Variants in SDR42E1 observed in about 807,000 individuals in gnomAD.
The protein encoded by SDR42E1 is short chain dehydrogenase/reductase family 42E, member 1.
Under a neutral mutation model 2.6 loss-of-function variants are expected in SDR42E1, and 5 were observed. The ratio of observed to expected loss-of-function variants is 1.94; its 90% confidence interval spans 1.01 to 4.08. SDR42E1 has a LOEUF of 4.08. Among genes scored for constraint, SDR42E1 ranks in the 30% most tolerant of loss-of-function variants. SDR42E1 has a pLI of 0.00. For synonymous variants in SDR42E1, 231 were observed against 188.3 expected (o/e 1.23, Z -1.86); for missense variants, 596 against 478.6 (o/e 1.25, Z -2.29).
In SDR42E1 at chr16:81,990,970, C is replaced by G. The variant is rs929364257; in HGVS notation, c.*8141G>C. ...GAAAGATTTTTATTAGGTCTGTGCT[C>G]CACGCCCAGAATAGTGTAAGACTGC... On this transcript the variant is annotated 3_prime_UTR_variant, in exon 3 of 3. Transcript: ENST00000328945. 25 of 152,310 alleles carry G rather than the reference C, an allele frequency of 1.6e-4. No individual in the cohort carries two copies. The highest frequency in any genetic ancestry group is 6.0e-4 in the African/African-American group (25 of 41,562). 9.4% of individuals were successfully genotyped at this position (152,310 alleles called of 1,614,324 possible). A position where few individuals can be genotyped will look rare whatever the true frequency, so the allele number is the denominator to read the frequency against.
intron 1 of SDR42E1, chr16:82,007,722 G>C (rs1478314829): frequency 8.5e-5 from 13 of 152,186 alleles, no homozygotes; most frequent in African/African-American, 2.9e-4. Context: ...AAATGAATTG[G>C]AGGTGGCCCA....
In SDR42E1 at chr16:81,996,500, AG is replaced by A. The variant is rs1253027569; in HGVS notation, c.*2610del. ...GCCCTGTAAGAATTTGGGGTGGGAG[AG>A]GATTATGAATTCCACTTTGGCTACA... On this transcript the variant is annotated 3_prime_UTR_variant, in exon 3 of 3. Transcript: ENST00000328945. 2 of 152,096 alleles carry A rather than the reference AG, an allele frequency of 1.3e-5. No homozygotes were observed. Among genetic ancestry groups the A allele is most frequent in the African/African-American group, 4.8e-5 (2 of 41,388 alleles). 9.4% of individuals were successfully genotyped at this position (152,096 alleles called of 1,614,324 possible). A position where few individuals can be genotyped will look rare whatever the true frequency, so the allele number is the denominator to read the frequency against.
rs1912410810 is a variant in SDR42E1, at chr16:81,990,906, G to T, written c.*8205C>A. ...CTTTGGGAGAATTTAAACATCTAAG[G>T]GCACCTCTACAGGCTGGACTTTGCA... On this transcript the variant is annotated 3_prime_UTR_variant, in exon 3 of 3. Transcript: ENST00000328945. 1 of 152,092 alleles carries T rather than the reference G, an allele frequency of 6.6e-6. No individual in the cohort carries two copies. The highest frequency in any genetic ancestry group is 2.4e-5 in the African/African-American group (1 of 41,398). 9.4% of individuals were successfully genotyped at this position (152,092 alleles called of 1,614,324 possible).
intron 1 of SDR42E1, among the ~76,000 whole-genome samples, chr16:82,010,653 C>G (rs932934606): frequency 6.6e-5 from 10 of 152,214 alleles, no homozygotes; most frequent in African/African-American, 2.4e-4. Flanking sequence ...TGGAAGCCCC[C>G]TCCCCGTTTC....
rs772079715 is a variant in SDR42E1, at chr16:81,999,795, C to T, written c.498G>A (p.Ala166=). The change falls in exon 3 of 3, where the codon GCG becomes GCA. Residue 166 remains alanine (A), a synonymous_variant. Transcript: ENST00000328945. ...KSIAEQKVLE[A]NATPLDRGDG... ...CGCCTCTGTCCAGGGGTGTAGCATT[C>T]GCCTCCAGCACCTTCTGCTCTGCAA... 6.1e-5 allele frequency: 99 copies of T among 1,614,206 alleles called. No homozygotes were observed. Among genetic ancestry groups the T allele is most frequent in the Non-Finnish European group, 8.1e-5 (95 of 1,180,040 alleles).
intron 1 of SDR42E1, among the ~76,000 whole-genome samples, chr16:82,001,437 C>T (rs181535822): frequency 3.3e-5 from 5 of 152,262 alleles, no homozygotes; most frequent in South Asian, 4.1e-4. Flanking sequence ...CCTCCCCCAC[C>T]GCAAATCTTG....
intron 1 of SDR42E1, among the ~76,000 whole-genome samples, chr16:82,003,235 A>C (rs1385733169): frequency 6.6e-6 from 1 of 152,188 alleles, no homozygotes; most frequent in Non-Finnish European, 1.5e-5. Context: ...TTTCAAGAAA[A>C]TTCATGAAGA....
In SDR42E1 at chr16:81,993,175, A is replaced by T. The variant is rs1339783127; in HGVS notation, c.*5936T>A. On this transcript the variant is annotated 3_prime_UTR_variant, in exon 3 of 3. Transcript: ENST00000328945. ...TTTGGCGAGTCCCATCTCCCCCTTCATTCATTCAGCAAAGTTGTACTGAGC... is the reference window on the plus strand; with the variant it reads ...TTTGGCGAGTCCCATCTCCCCCTTCTTTCATTCAGCAAAGTTGTACTGAGC... 1 of 152,238 alleles carries T rather than the reference A, an allele frequency of 6.6e-6. No homozygotes were observed. The highest frequency in any genetic ancestry group is 1.5e-5 in the Non-Finnish European group (1 of 68,094). 9.4% of individuals were successfully genotyped at this position (152,238 alleles called of 1,614,324 possible).
At position 81,990,713 on chromosome 16, in the gene SDR42E1, C is replaced by G. The variant is rs1332527922; in HGVS notation, c.*8398G>C. 1 of 152,170 alleles carries G rather than the reference C, an allele frequency of 6.6e-6. No individual in the cohort carries two copies. The highest frequency in any genetic ancestry group is 1.5e-5 in the Non-Finnish European group (1 of 68,032). The allele number at this position is 152,170 out of a possible 1,614,324, so 9.4% of individuals were successfully genotyped here. On this transcript the variant is annotated 3_prime_UTR_variant, in exon 3 of 3. Coordinates refer to ENST00000328945, the MANE Select transcript of SDR42E1 (RefSeq NM_145168.3). The stretch of plus-strand genomic sequence containing the variant: ...GTCACATTGCAAATAAGAGATGGCT[C>G]CAGGACAGGCATAAGGAAGTGCAAG...
intron 1 of SDR42E1, among the ~76,000 whole-genome samples, chr16:82,010,054 C>A (rs1913076044): frequency 6.6e-6 from 1 of 152,204 alleles, no homozygotes; most frequent in Admixed American, 6.5e-5. Flanking sequence ...TGACTTTGCT[C>A]CTCTTTTGCC....
At position 82,000,154 on chromosome 16, in the gene SDR42E1, T is replaced by G. The variant is rs771348770; in HGVS notation, c.139A>C (p.Ile47Leu). Residue 47 changes from isoleucine (I) to leucine (L), a missense_variant, in exon 3 of 3, where the codon ATT becomes CTT. Physicochemically the swap from Ile to Leu is conservative, Grantham distance 5. Transcript: ENST00000328945. ...LFDISSPAQT[I>L]PEGIKFIQGD... The stretch of plus-strand genomic sequence containing the variant: ...TGTATAAACTTGATTCCTTCTGGAA[T>G]GGTTTGAGCAGGGCTGCTGATGTCA... 6.2e-7 allele frequency: 1 copy of G among 1,613,960 alleles called. No individual in the cohort carries two copies. The highest frequency in any genetic ancestry group is 8.5e-7 in the Non-Finnish European group (1 of 1,179,854).
Position 81,998,921 on chromosome 16 carries a change from T to C in SDR42E1, c.*190A>G. ...ATCAAATTTCAAACTAATCTCTGCT[T>C]CTGCTTTTTCATTCCCATCTGGATT... On this transcript the variant is annotated 3_prime_UTR_variant, in exon 3 of 3. Coordinates refer to ENST00000328945, the MANE Select transcript of SDR42E1 (RefSeq NM_145168.3). The C allele has an allele frequency of 1.6e-6, 1 of 631,802 alleles. No homozygotes were observed. The allele number at this position is 631,802 out of a possible 1,614,324, so 39.1% of individuals were successfully genotyped here. A position where few individuals can be genotyped will look rare whatever the true frequency, so the allele number is the denominator to read the frequency against.
At chr16:82,007,685 C>T (rs1912986859) in intron 1 of SDR42E1, 1 of 152,328 alleles carries the variant, frequency 6.6e-6, no homozygotes, top group Non-Finnish European at 1.5e-5. Flanking sequence ...TCTGCAACCT[C>T]ATTGTGGTTC....
chr16:82,006,535 G>A (rs1212797145), intron 1 of SDR42E1, among the ~76,000 whole-genome samples: 2 of 152,250 alleles, frequency 1.3e-5, no homozygotes, highest in Non-Finnish European at 2.9e-5. Context: ...GCTCACGCCT[G>A]TAATTCCAGC....
Position 81,992,525 on chromosome 16 carries a change from A to C in SDR42E1, c.*6586T>G, listed in dbSNP as rs937153719. On this transcript the variant is annotated 3_prime_UTR_variant, in exon 3 of 3. Transcript: ENST00000328945. ...ATATGTTAAAATATATATATGGGTA[A>C]GACAGTATTTTACTCTTGGATCTGA... 6.6e-6 allele frequency: 1 copy of C among 152,202 alleles called. No homozygotes were observed. The highest frequency in any genetic ancestry group is 1.5e-5 in the Non-Finnish European group (1 of 68,040). The allele number at this position is 152,202 out of a possible 1,614,324, so 9.4% of individuals were successfully genotyped here.
chr16:81,991,311 T>G lies in SDR42E1; in HGVS notation c.*7800A>C, dbSNP rs893506202. ...TAGTTTGTGTAGCAGAAGTCACTAT[T>G]TACAGTTACTCATTTTTTGTAACAA... On this transcript the variant is annotated 3_prime_UTR_variant, in exon 3 of 3. Transcript: ENST00000328945. 1.3e-5 allele frequency: 2 copies of G among 152,246 alleles called. No homozygotes were observed. Among genetic ancestry groups the G allele is most frequent in the African/African-American group, 4.8e-5 (2 of 41,466 alleles). 9.4% of individuals were successfully genotyped at this position (152,246 alleles called of 1,614,324 possible).
rs535325656 is a variant in SDR42E1 at position 81,997,496 on chromosome 16, T to A, written c.*1615A>T. 6.6e-6 allele frequency: 1 copy of A among 152,266 alleles called. No homozygotes were observed. Among genetic ancestry groups the A allele is most frequent in the East Asian group, 1.9e-4 (1 of 5,198 alleles). The allele number at this position is 152,266 out of a possible 1,614,324, so 9.4% of individuals were successfully genotyped here. ...GCAGCTTCCACCCTGCTGTCTTGGA[T>A]GACCTGCTCTGGGGATGAGGATATT... On this transcript the variant is annotated 3_prime_UTR_variant, in exon 3 of 3. Transcript: ENST00000328945.
rs1264932833 is a variant in SDR42E1 at position 81,991,641 on chromosome 16, T to C, written c.*7470A>G. The stretch of plus-strand genomic sequence containing the variant: ...TAGGACAATCATTTGAGCCCAGGAG[T>C]TCGAGCCAACAGTGAGCCATGACTG... On this transcript the variant is annotated 3_prime_UTR_variant, in exon 3 of 3. Coordinates refer to ENST00000328945, the MANE Select transcript of SDR42E1 (RefSeq NM_145168.3). 2 of 151,002 alleles carry C rather than the reference T, an allele frequency of 1.3e-5. No homozygotes were observed. The highest frequency in any genetic ancestry group is 2.4e-5 in the African/African-American group (1 of 40,850). 9.4% of individuals were successfully genotyped at this position (151,002 alleles called of 1,614,324 possible).
rs1350632975 is a variant in SDR42E1, at chr16:81,998,976, A to G, written c.*135T>C. ...CAAGGAAATAAGACATAAAGATTCA[A>G]TCCAAGAACCTATTCTTAAGTAGCA... is the stretch of plus-strand genomic sequence containing the variant. On this transcript the variant is annotated 3_prime_UTR_variant, in exon 3 of 3. Coordinates refer to ENST00000328945, the MANE Select transcript of SDR42E1 (RefSeq NM_145168.3). The G allele has an allele frequency of 5.8e-6, 5 of 864,492 alleles. No individual in the cohort carries two copies. The highest frequency in any genetic ancestry group is 7.0e-6 in the Non-Finnish European group (4 of 575,042). 53.6% of individuals were successfully genotyped at this position (864,492 alleles called of 1,614,324 possible).
Sources: allele counts gnomAD v4.1 joint callset (sites outside exome capture counted in the v4.1 genomes callset), GRCh38; gene constraint gnomAD v4.1.1; transcripts MANE v1.5; gene names NCBI Gene and HGNC (gene_info 2026-07-23, HGNC 2026-07-21).